The following FOXP2 variants were observed in gnomAD, a reference collection of about 807,000 sequenced individuals.
The protein encoded by FOXP2 is forkhead box protein P2.
A neutral mutation model predicts 115.8 loss-of-function variants in FOXP2; 12 were observed. The observed-to-expected ratio is 0.10, with a 90% confidence interval of 0.07 to 0.17. The LOEUF (loss-of-function observed/expected upper bound fraction) is 0.17, where lower values mean the gene tolerates loss of function less well. Among genes scored for constraint, FOXP2 ranks in the 10% least tolerant of loss-of-function variants. FOXP2 has a pLI of 1.00. For missense variants in FOXP2, 629 were observed against 843.5 expected (o/e 0.75, Z 3.15); for synonymous variants, 328 against 297.7 (o/e 1.10, Z -1.05).
At chr7:114,469,964 T>A (rs1057325140) in intron 2 of FOXP2, among the ~76,000 whole-genome samples, 5 of 152,180 alleles carry the variant, frequency 3.3e-5, no homozygotes, top group Non-Finnish European at 7.4e-5. Context: ...GTCCATATTG[T>A]TCTTAATTAG....
chr7:114,419,713 G>GAC (rs35955915), intron 1 of FOXP2: 20,657 of 141,436 alleles, frequency 0.15, 1,477 homozygotes, highest in Middle Eastern at 0.22. Flanking sequence ...CATACACATA[G>GAC]ACACACACAC....
chr7:114,570,601 T>C (rs1213175784), intron 3 of FOXP2, among the ~76,000 whole-genome samples: 1 of 151,858 alleles, frequency 6.6e-6, no homozygotes, highest in African/African-American at 2.4e-5. Context: ...ATGGTCCAAA[T>C]ATTCAACTTC....
At chr7:114,110,905 T>C (rs763327885) in intron 1 of FOXP2, among the ~76,000 whole-genome samples, 3 of 152,178 alleles carry the variant, frequency 2.0e-5, no homozygotes, top group Non-Finnish European at 4.4e-5. Flanking sequence ...TAAAATACTT[T>C]TGAATCCTCC....
At chr7:114,646,726 G>A (rs1004410871) in intron 8 of FOXP2, among the ~76,000 whole-genome samples, 1 of 151,926 alleles carries the variant, frequency 6.6e-6, no homozygotes, top group Non-Finnish European at 1.5e-5. Flanking sequence ...GTGAAATATC[G>A]ATTAGATATA....
chr7:114,214,179 A>G (rs1477547420), intron 1 of FOXP2, among the ~76,000 whole-genome samples: 3 of 152,176 alleles, frequency 2.0e-5, no homozygotes, highest in South Asian at 2.1e-4. Context: ...CTTACTCTTC[A>G]TGATATCACT....
intron 9 of FOXP2, 87 bp downstream of exon 9, chr7:114,652,377 G>A (rs1374270427): frequency 1.8e-6 from 2 of 1,136,122 alleles, no homozygotes; most frequent in Non-Finnish European, 1.3e-6. Context: ...CTTTCAGCCT[G>A]CATTTTACTG....
At chr7:114,392,216 CA>C (rs1270827123) in intron 2 of FOXP2, among the ~76,000 whole-genome samples, 1 of 151,794 alleles carries the variant, frequency 6.6e-6, no homozygotes, top group Non-Finnish European at 1.5e-5. Flanking sequence ...AAATCAAAAC[CA>C]GTGTTGAGAT....
intron 1 of FOXP2, among the ~76,000 whole-genome samples, chr7:114,200,372 C>T (rs182883259): frequency 6.6e-6 from 1 of 152,186 alleles, no homozygotes; most frequent in Non-Finnish European, 1.5e-5. Context: ...GCAATTTATC[C>T]AAAGTTATTC....
intron 1 of FOXP2, among the ~76,000 whole-genome samples, chr7:114,230,480 A>G (rs2081549170): frequency 6.6e-6 from 1 of 151,998 alleles, no homozygotes; most frequent in Non-Finnish European, 1.5e-5. Context: ...TCAACAAAAT[A>G]CTAGCAAACT....
chr7:114,684,469 C>T (rs1026217383), intron 16 of FOXP2, among the ~76,000 whole-genome samples: 29 of 152,294 alleles, frequency 1.9e-4, no homozygotes, highest in African/African-American at 6.0e-4. Flanking sequence ...TGAAGGCAGT[C>T]GCCTAGACCA....
At chr7:114,518,565 T>C (rs997809972) in intron 2 of FOXP2, among the ~76,000 whole-genome samples, 2 of 151,992 alleles carry the variant, frequency 1.3e-5, no homozygotes, top group African/African-American at 4.8e-5. Context: ...TGCAGTGGCA[T>C]GATCTCAGCT....
chr7:114,168,574 A>G (rs755239603), intron 1 of FOXP2, among the ~76,000 whole-genome samples: 2 of 152,154 alleles, frequency 1.3e-5, no homozygotes, highest in South Asian at 2.1e-4. Flanking sequence ...AAGGCATTCA[A>G]TTTCATGAGG....
rs1278259699 is a variant in FOXP2, at chr7:114,375,725, C to A, written c.-10-50777C>A. On this transcript the variant is annotated intron_variant, in intron 2 of 17. Transcript: ENST00000634411. ...TCCCAAGCATCGCCTCTCTCTCTCT[C>A]CCAATGTGATCTCTCATCTTTAGAT... Among the ~76,000 whole-genome samples, 8 of 152,252 alleles carry A rather than the reference C, an allele frequency of 5.3e-5. No individual in the cohort carries two copies. The East Asian group carries it at 1.4e-3, about 26-fold the overall frequency.
At chr7:114,629,491 C>A (rs1804771881) in intron 4 of FOXP2, 4 of 995,276 alleles carry the variant, frequency 4.0e-6, no homozygotes, top group Non-Finnish European at 6.0e-6. Flanking sequence ...TAGAGTATAG[C>A]CTAGTTTTTA....
At chr7:114,369,606 A>G (rs1467953320) in intron 2 of FOXP2, among the ~76,000 whole-genome samples, 2 of 152,182 alleles carry the variant, frequency 1.3e-5, no homozygotes, top group African/African-American at 2.4e-5. Flanking sequence ...CCTTTAAAAC[A>G]GTCATGATAT....
In FOXP2 at chr7:114,691,787, C is replaced by T. The variant is rs1328254584; in HGVS notation, c.*1861C>T. On this transcript the variant is annotated 3_prime_UTR_variant, in exon 17 of 17. Coordinates refer to ENST00000350908, the MANE Select transcript of FOXP2 (RefSeq NM_014491.4). ...ATGGAACCGGTTCTTGCAAACTAAGCTCATCATTGATTCTTTGCTGAAGTC... is the reference window on the plus strand; with the variant it reads ...ATGGAACCGGTTCTTGCAAACTAAGTTCATCATTGATTCTTTGCTGAAGTC... The T allele has an allele frequency of 9.9e-5, 45 of 453,266 alleles. No individual in the cohort carries two copies. The highest frequency in any genetic ancestry group is 9.4e-4 in the Admixed American group (40 of 42,400). The allele number at this position is 453,266 out of a possible 1,614,324, so 28.1% of individuals were successfully genotyped here.
At chr7:114,186,291 A>T (rs1312101895) in intron 1 of FOXP2, among the ~76,000 whole-genome samples, 1 of 152,182 alleles carries the variant, frequency 6.6e-6, no homozygotes, top group African/African-American at 2.4e-5. Context: ...AGAGTTTCAC[A>T]TATGGGTGAG....
At chr7:114,372,548 G>A (rs1527155) in intron 2 of FOXP2, among the ~76,000 whole-genome samples, 146,456 of 152,240 alleles carry the variant, frequency 0.96, 70,706 homozygotes, top group East Asian at 1. Flanking sequence ...TCATTTTACT[G>A]CTCACAACTG....
At chr7:114,215,187 C>T (rs1338029483) in intron 1 of FOXP2, among the ~76,000 whole-genome samples, 1 of 151,968 alleles carries the variant, frequency 6.6e-6, no homozygotes, top group Non-Finnish European at 1.5e-5. Context: ...CTTTAATACT[C>T]AATTGTATTA....
Sources: gnomAD v4.1 joint callset for allele counts (sites outside exome capture counted in the v4.1 genomes callset) on GRCh38, gnomAD v4.1.1 for gene constraint, MANE v1.5 for transcripts, NCBI Gene and HGNC (gene_info 2026-07-23, HGNC 2026-07-21) for gene names.